Variants in LIAS observed in about 807,000 individuals in gnomAD.
The protein encoded by LIAS is lipoyl synthase, mitochondrial.
A neutral mutation model predicts 49.4 loss-of-function variants in LIAS; 36 were observed. That is an observed-to-expected ratio of 0.73 (90% CI 0.56 to 0.96). LIAS has a LOEUF of 0.96. Ranked by LOEUF, LIAS falls within the 40% of genes least tolerant of loss-of-function variation. The probability of loss-of-function intolerance (pLI) is 0.00; values close to 1 mark genes in which losing one functional copy is unlikely to be tolerated. For missense variants in LIAS, 399 were observed against 456.3 expected, an observed-to-expected ratio of 0.87 and a Z score of 1.14; for synonymous variants, 145 against 155.8, an observed-to-expected ratio of 0.93 and a Z score of 0.52.
chr4:39,474,530 G>A (rs535074668), intron 10 of LIAS, among the ~76,000 whole-genome samples: 48 of 152,004 alleles, frequency 3.2e-4, no homozygotes, highest in Non-Finnish European at 6.6e-4. Flanking sequence ...AGGATCGCAT[G>A]GGCCCAGGAG....
intron 6 of LIAS, among the ~76,000 whole-genome samples, chr4:39,465,662 G>A (rs928353574): frequency 7.9e-6 from 1 of 127,006 alleles, no homozygotes; most frequent in Non-Finnish European, 1.6e-5. Flanking sequence ...GGTCTTCTTA[G>A]TAATGATTTT....
Position 39,471,298 on chromosome 4 carries a change from CA to C in LIAS, c.947del (p.His316ProfsTer19). 2.5e-6 allele frequency: 4 copies of C among 1,580,750 alleles called. No individual in the cohort carries two copies. Among genetic ancestry groups the C allele is most frequent in the Non-Finnish European group, 3.5e-6 (4 of 1,152,676 alleles). ...LGQYMQPTRRHLKVEEYITPE... is the reference protein window; with the variant it reads ...LGQYMQPTRRXLKVEEYITPE... ...ACAATATATGCAGCCAACAAGGCGT[CA>C]CCTTAAGGTACATGTATCTTGATTT... On this transcript the variant is annotated frameshift_variant, in exon 9 of 11. Coordinates refer to ENST00000640888, the MANE Select transcript of LIAS (RefSeq NM_006859.4). LOFTEE classifies it high-confidence loss of function.
At chr4:39,463,661 T>A (rs1744636990) in intron 4 of LIAS, 56 bp downstream of exon 4, 1 of 1,545,428 alleles carries the variant, frequency 6.5e-7, no homozygotes, top group South Asian at 1.2e-5. Context: ...GGGACTATTT[T>A]GTGTCTTCCT....
intron 7 of LIAS, chr4:39,468,169 T>G (rs886845453): frequency 6.6e-5 from 10 of 152,144 alleles, no homozygotes; most frequent in African/African-American, 2.4e-4. Flanking sequence ...TGGTTGTAAT[T>G]CTAAAGAAAA....
chr4:39,465,973 G>A (rs568730842), intron 6 of LIAS: 1 of 152,112 alleles, frequency 6.6e-6, no homozygotes, highest in South Asian at 2.1e-4. Flanking sequence ...TTTTGGGTTT[G>A]TTTTGTTTTT....
intron 10 of LIAS, chr4:39,476,214 T>C (rs1745187810): frequency 6.6e-6 from 1 of 152,196 alleles, no homozygotes; most frequent in African/African-American, 2.4e-5. Flanking sequence ...TTCTGGTATA[T>C]GATGAGCATT....
At position 39,459,080 on chromosome 4, in the gene LIAS, T is replaced by TC; in HGVS notation, c.-35dup. On this transcript the variant is annotated 5_prime_UTR_variant, in exon 1 of 11. Coordinates refer to ENST00000640888, the MANE Select transcript of LIAS (RefSeq NM_006859.4). ...CCTGTCCTTTCCCGGGAGTTAGCGATCCCTCAACCCCTGCACTGCGCTAGT... is the reference window on the plus strand; with the variant it reads ...CCTGTCCTTTCCCGGGAGTTAGCGATCCCCTCAACCCCTGCACTGCGCTAGT... 2 of 1,612,974 alleles carry TC rather than the reference T, an allele frequency of 1.2e-6. No homozygotes were observed. The highest frequency in any genetic ancestry group is 2.2e-5 in the South Asian group (2 of 91,064).
intron 10 of LIAS, chr4:39,473,673 CT>C (rs1185690659): frequency 6.6e-6 from 1 of 152,196 alleles, no homozygotes; most frequent in African/African-American, 2.4e-5. Flanking sequence ...CATTAAATTT[CT>C]TTGTATTTTT....
At chr4:39,474,386 C>T (rs1745109718) in intron 10 of LIAS, among the ~76,000 whole-genome samples, 1 of 151,546 alleles carries the variant, frequency 6.6e-6, no homozygotes. Context: ...GAGCTATGAT[C>T]GTGTCACTAC....
chr4:39,459,388 A>G (rs571289273), intron 1 of LIAS: 1 of 600,928 alleles, frequency 1.7e-6, no homozygotes, highest in South Asian at 2.0e-5. Flanking sequence ...AGCACCGAGG[A>G]CTTATTTTCT....
At position 39,465,334 on chromosome 4, in the gene LIAS, A is replaced by G. The variant is rs1395387021; in HGVS notation, c.600A>G (p.Leu200=). The change falls in exon 6 of 11, where the codon TTA becomes TTG. Residue 200 remains leucine (L), a synonymous_variant. Coordinates refer to ENST00000640888, the MANE Select transcript of LIAS (RefSeq NM_006859.4). ...ACATTGCAAAGACCGTATCATATTT[A>G]AAGGAAAGGTACTTATTTTTGCATT... The part of the protein sequence containing the change: ...AEHIAKTVSY[L]KERNPKILVE... The G allele has an allele frequency of 6.2e-7, 1 of 1,609,482 alleles. No individual in the cohort carries two copies. Among genetic ancestry groups the G allele is most frequent in the Admixed American group, 1.7e-5 (1 of 58,844 alleles).
intron 2 of LIAS, 123 bp from the exon 3 acceptor site, chr4:39,462,073 G>C: frequency 4.9e-6 from 2 of 411,182 alleles, no homozygotes; most frequent in East Asian, 8.5e-5. Flanking sequence ...AATTATAAGA[G>C]TTATTCTAAG....
chr4:39,472,218 A>T (rs1745020225), intron 9 of LIAS, among the ~76,000 whole-genome samples: 1 of 152,194 alleles, frequency 6.6e-6, no homozygotes, highest in African/African-American at 2.4e-5. Context: ...CATAAGGAAA[A>T]GAAAATATAT....
chr4:39,465,178 G>C lies in LIAS; in HGVS notation c.526G>C (p.Val176Leu). 6.2e-7 allele frequency: 1 copy of C among 1,614,008 alleles called. No homozygotes were observed. The highest frequency in any genetic ancestry group is 8.5e-7 in the Non-Finnish European group (1 of 1,179,954). ...AIAEWGLDYV[V>L]LTSVDRDDMP... ...TGCAGAATGGGGTCTGGATTATGTT[G>C]TCCTGACATCTGTGGATCGAGATGG... Residue 176 changes from valine (V) to leucine (L), a missense_variant, in exon 5 of 11, where the codon GTC (valine) becomes CTC (leucine). Val to Leu is a conservative substitution (Grantham distance 32, BLOSUM62 1). Coordinates refer to ENST00000640888, the MANE Select transcript of LIAS (RefSeq NM_006859.4).
chr4:39,469,526 C>G (rs1369262487), intron 7 of LIAS: 2 of 152,716 alleles, frequency 1.3e-5, no homozygotes, highest in South Asian at 2.1e-4. Flanking sequence ...CCTGGTTTCA[C>G]TTAAAAACAT....
At position 39,460,962 on chromosome 4, in the gene LIAS, G is replaced by C. The variant is rs1172950083; in HGVS notation, c.218G>C (p.Arg73Thr). The C allele has an allele frequency of 1.9e-6, 3 of 1,581,418 alleles. No individual in the cohort carries two copies. The highest frequency in any genetic ancestry group is 2.6e-6 in the Non-Finnish European group (3 of 1,165,972). The change falls in exon 2 of 11, where the codon AGG becomes ACG. Residue 73 changes from arginine (R) to threonine (T), a missense_variant and splice_region_variant. Physicochemically the swap from Arg to Thr is moderately conservative, Grantham distance 71. This residue lies in a region of LIAS where 159 missense variants were observed against 147.6 expected (regional missense o/e 1.08). Transcript: ENST00000640888. ...KGNLKRQKGE[R>T]LRLPPWLKTE... ...AACCTAAAACGCCAGAAAGGAGAAA[G>C]GTAATTGAAAATTTGAGATAATTTT...
At chr4:39,475,802 A>G (rs1373952516) in intron 10 of LIAS, 1 of 152,230 alleles carries the variant, frequency 6.6e-6, no homozygotes, top group African/African-American at 2.4e-5. Context: ...ACCTGAGCCC[A>G]GGAGGTTGAG....
chr4:39,476,850 ACT>A (rs1745210884), intron 10 of LIAS: 2 of 491,240 alleles, frequency 4.1e-6, no homozygotes, highest in Non-Finnish European at 7.2e-6. Flanking sequence ...ATAGTAGGAG[ACT>A]CTAGTCATTA....
chr4:39,459,973 GAAAA>G (rs1476499401), intron 1 of LIAS, among the ~76,000 whole-genome samples: 6 of 145,494 alleles, frequency 4.1e-5, no homozygotes, highest in Non-Finnish European at 7.6e-5. Flanking sequence ...AAAAAAAAAA[GAAAA>G]AGAAAGTAAA....
Sources: allele counts gnomAD v4.1 joint callset (sites outside exome capture counted in the v4.1 genomes callset), GRCh38; gene constraint gnomAD v4.1.1; regional missense constraint gnomAD v4.1.1; transcripts MANE v1.5; gene names NCBI Gene and HGNC (gene_info 2026-07-23, HGNC 2026-07-21).